Variants in ISM1 observed in about 807,000 individuals in gnomAD.
ISM1 encodes isthmin 1, also known as isthmin-1.
ISM1 carries 25 observed loss-of-function variants against 46.3 expected under a neutral mutation model. The ratio of observed to expected loss-of-function variants is 0.54; its 90% CI spans 0.39 to 0.75. ISM1 has a LOEUF of 0.75. Ranked by LOEUF, ISM1 falls within the 30% of genes least tolerant of loss-of-function variation. ISM1 has a pLI of 0.00. For missense variants in ISM1, 536 were observed against 625.4 expected, an observed-to-expected ratio of 0.86 and a Z score of 1.52; for synonymous variants, 255 against 256.7, an observed-to-expected ratio of 0.99 and a Z score of 0.06.
chr20:13,242,443 A>G (rs1323838984), intron 1 of ISM1, among the ~76,000 whole-genome samples: 1 of 152,214 alleles, frequency 6.6e-6, no homozygotes, highest in East Asian at 1.9e-4. Context: ...ATCCAGGAGA[A>G]GGTTGAGGGG....
At position 13,300,180 on chromosome 20, in the gene ISM1, T is replaced by C. The variant is rs1056525636; in HGVS notation, c.*721T>C. 6.6e-6 allele frequency: 1 copy of C among 152,160 alleles called. No individual in the cohort carries two copies. Among genetic ancestry groups the C allele is most frequent in the Non-Finnish European group, 1.5e-5 (1 of 68,028 alleles). The allele number at this position is 152,160 out of a possible 1,614,324, so 9.4% of individuals were successfully genotyped here. ...AGGCTTTAAAATAAAAGATCAATAT[T>C]ATCATAATGCTATCATTCTGCTAAA... is the stretch of plus-strand genomic sequence containing the variant. On this transcript the variant is annotated 3_prime_UTR_variant, in exon 6 of 6. Coordinates refer to ENST00000262487, the MANE Select transcript of ISM1 (RefSeq NM_080826.2).
chr20:13,323,630 A>C, the ISM1 span, among the ~76,000 whole-genome samples: 1 of 152,198 alleles, frequency 6.6e-6, no homozygotes, highest in Admixed American at 6.5e-5. Flanking sequence ...ATACGACTAT[A>C]ATTCTCATTT....
chr20:13,251,232 G>A (rs1398354344), intron 1 of ISM1, among the ~76,000 whole-genome samples: 1 of 152,114 alleles, frequency 6.6e-6, no homozygotes, highest in Non-Finnish European at 1.5e-5. Flanking sequence ...TTCACTTCCC[G>A]CTCCCTGCTT....
chr20:13,321,484 T>A, the ISM1 span, among the ~76,000 whole-genome samples: 1 of 152,108 alleles, frequency 6.6e-6, no homozygotes, highest in South Asian at 2.1e-4. Flanking sequence ...CGTTCCAGAA[T>A]TCTGGCCCCA....
At chr20:13,239,917 T>C (rs1230918099) in intron 1 of ISM1, among the ~76,000 whole-genome samples, 1 of 152,214 alleles carries the variant, frequency 6.6e-6, no homozygotes, top group Admixed American at 6.5e-5. Flanking sequence ...TGTAAAAGTT[T>C]TTATAGCCCC....
chr20:13,308,877 C>T, the ISM1 span, among the ~76,000 whole-genome samples: 3 of 152,134 alleles, frequency 2.0e-5, no homozygotes, highest in Non-Finnish European at 4.4e-5. Flanking sequence ...CCCGAGAGAG[C>T]TCTCTTGCCC....
chr20:13,298,632 A>G (rs897379411), intron 5 of ISM1, among the ~76,000 whole-genome samples: 6 of 152,242 alleles, frequency 3.9e-5, no homozygotes, highest in African/African-American at 1.2e-4. Context: ...TAGTCATTGT[A>G]TAAGAATATT....
chr20:13,275,175 T>C (rs1429122812), intron 2 of ISM1, among the ~76,000 whole-genome samples: 3 of 152,078 alleles, frequency 2.0e-5, no homozygotes, highest in Non-Finnish European at 4.4e-5. Flanking sequence ...AACCCATATA[T>C]TTATTTCTTT....
At chr20:13,311,055 A>G in the ISM1 span, among the ~76,000 whole-genome samples, 5 of 152,218 alleles carry the variant, frequency 3.3e-5, no homozygotes, top group African/African-American at 7.2e-5. Context: ...TTAGCTGGGC[A>G]TGGTGGCGGG....
chr20:13,293,711 C>T (rs1004787516), intron 5 of ISM1, among the ~76,000 whole-genome samples: 2 of 152,156 alleles, frequency 1.3e-5, no homozygotes. Context: ...CAGTGACTCA[C>T]ATCTGTAATC....
intron 1 of ISM1, among the ~76,000 whole-genome samples, chr20:13,262,896 T>C (rs527963736): frequency 2.0e-5 from 3 of 152,284 alleles, no homozygotes; most frequent in Admixed American, 6.5e-5. Context: ...TGCCAAGCCC[T>C]AAAGTAAACA....
chr20:13,312,117 T>A, the ISM1 span, among the ~76,000 whole-genome samples: 1 of 152,190 alleles, frequency 6.6e-6, no homozygotes, highest in Non-Finnish European at 1.5e-5. Context: ...TGATACGAGT[T>A]AAATCTGAGT....
At chr20:13,247,012 G>A (rs1361911771) in intron 1 of ISM1, among the ~76,000 whole-genome samples, 2 of 152,000 alleles carry the variant, frequency 1.3e-5, no homozygotes, top group Non-Finnish European at 2.9e-5. Context: ...GAGGCGGGTG[G>A]ATCACCTGAG....
intron 1 of ISM1, among the ~76,000 whole-genome samples, chr20:13,222,506 C>A (rs1323155453): frequency 1.3e-5 from 2 of 152,066 alleles, no homozygotes; most frequent in South Asian, 2.1e-4. Flanking sequence ...CCCCCTCCCC[C>A]CTTGTGCCCC....
chr20:13,318,899 A>G, the ISM1 span, among the ~76,000 whole-genome samples: 3 of 152,224 alleles, frequency 2.0e-5, no homozygotes, highest in African/African-American at 7.2e-5. Flanking sequence ...GGCAGAGCAC[A>G]GAACACTTTC....
chr20:13,320,445 A>T, the ISM1 span, among the ~76,000 whole-genome samples: 2 of 152,130 alleles, frequency 1.3e-5, no homozygotes, highest in South Asian at 4.2e-4. Context: ...AAACAAGAGA[A>T]CCGAACTCTG....
At chr20:13,309,477 T>C in the ISM1 span, among the ~76,000 whole-genome samples, 2 of 152,112 alleles carry the variant, frequency 1.3e-5, no homozygotes, top group Non-Finnish European at 2.9e-5. Context: ...TACTCATCAG[T>C]GAAAAGTTCA....
intron 1 of ISM1, among the ~76,000 whole-genome samples, chr20:13,268,437 T>C (rs1159207456): frequency 1.4e-5 from 2 of 147,290 alleles, no homozygotes; most frequent in African/African-American, 5.0e-5. Context: ...ACATTTGGCC[T>C]CTGTTGCATT....
intron 1 of ISM1, among the ~76,000 whole-genome samples, chr20:13,258,186 G>T (rs923681228): frequency 1.3e-5 from 2 of 151,912 alleles, no homozygotes; most frequent in Non-Finnish European, 2.9e-5. Context: ...TTATTTCTTG[G>T]GCACATGATC....
Sources: gnomAD v4.1 joint callset for allele counts (sites outside exome capture counted in the v4.1 genomes callset) on GRCh38, gnomAD v4.1.1 for gene constraint, MANE v1.5 for transcripts, NCBI Gene and HGNC (gene_info 2026-07-23, HGNC 2026-07-21) for gene names.